Variants in NRXN3 observed in about 807,000 individuals in gnomAD.
The protein encoded by NRXN3 is neurexin III.
A neutral mutation model predicts 137.6 loss-of-function variants in NRXN3; 32 were observed. The ratio of observed to expected loss-of-function variants is 0.23; its 90% CI spans 0.18 to 0.31. The LOEUF (loss-of-function observed/expected upper bound fraction) is 0.31, where lower values mean the gene tolerates loss of function less well. NRXN3 is among the 10% of genes least tolerant of loss of function. The pLI is 1.00. For missense variants in NRXN3, 1,574 were observed against 2,062.5 expected (o/e 0.76, Z 4.59); for synonymous variants, 798 against 784.5 (o/e 1.02, Z -0.29).
intron 4 of NRXN3, among the ~76,000 whole-genome samples, chr14:78,314,993 C>T (rs61976027): frequency 0.072 from 1,126 of 15,704 alleles, 26 homozygotes; most frequent in African/African-American, 0.16. Context: ...CTTCCTTTCT[C>T]TTTCTTTCTT....
chr14:78,621,346 C>G (rs1336827002), intron 4 of NRXN3, among the ~76,000 whole-genome samples: 1 of 152,092 alleles, frequency 6.6e-6, no homozygotes, highest in African/African-American at 2.4e-5. Context: ...TACCTTTATA[C>G]CATGTAGGTT....
chr14:78,687,840 C>G (rs527634465), intron 6 of NRXN3, among the ~76,000 whole-genome samples: 79 of 152,310 alleles, frequency 5.2e-4, no homozygotes, highest in African/African-American at 1.7e-3. Context: ...TGGCTCCATC[C>G]TGCACAAGGG....
intron 4 of NRXN3, among the ~76,000 whole-genome samples, chr14:78,489,649 T>C (rs1035381864): frequency 2.0e-5 from 3 of 152,148 alleles, no homozygotes; most frequent in Non-Finnish European, 4.4e-5. Flanking sequence ...GAATAAAATC[T>C]ATTTTCTTCC....
At chr14:79,604,386 C>A (rs2097971216) in intron 16 of NRXN3, among the ~76,000 whole-genome samples, 1 of 151,738 alleles carries the variant, frequency 6.6e-6, no homozygotes, top group African/African-American at 2.4e-5. Context: ...AGGCGCCTGC[C>A]ACCATGCCCA....
At chr14:79,286,133 A>G (rs1187031321) in intron 15 of NRXN3, among the ~76,000 whole-genome samples, 1 of 152,138 alleles carries the variant, frequency 6.6e-6, no homozygotes, top group Non-Finnish European at 1.5e-5. Context: ...ATTTGCACAT[A>G]GACTAATTCT....
intron 8 of NRXN3, among the ~76,000 whole-genome samples, chr14:78,750,664 T>TAA (rs886191372): frequency 2.0e-5 from 3 of 152,194 alleles, no homozygotes; most frequent in Non-Finnish European, 4.4e-5. Context: ...GCCCCAGCCC[T>TAA]AAATTCACAA....
chr14:79,400,185 A>G (rs2095152712), intron 15 of NRXN3, among the ~76,000 whole-genome samples: 1 of 152,224 alleles, frequency 6.6e-6, no homozygotes, highest in Non-Finnish European at 1.5e-5. Context: ...TCAACCCAGC[A>G]CAACCCTTAA....
At chr14:78,221,846 C>G (rs1163717407) in intron 1 of NRXN3, among the ~76,000 whole-genome samples, 1 of 152,190 alleles carries the variant, frequency 6.6e-6, no homozygotes, top group African/African-American at 2.4e-5. Flanking sequence ...TTGGTCATGT[C>G]ACACCCACTA....
intron 15 of NRXN3, among the ~76,000 whole-genome samples, chr14:79,020,556 C>G (rs914862154): frequency 2.0e-5 from 3 of 151,378 alleles, no homozygotes; most frequent in Admixed American, 1.3e-4. Flanking sequence ...TGAGCCACCA[C>G]GCCTGGCCGA....
At chr14:79,000,028 T>G (rs1328654762) in intron 15 of NRXN3, among the ~76,000 whole-genome samples, 1 of 152,156 alleles carries the variant, frequency 6.6e-6, no homozygotes, top group African/African-American at 2.4e-5. Context: ...TTCCCCTGAT[T>G]TTTTTCACAC....
At chr14:79,233,296 G>A (rs112728635) in intron 15 of NRXN3, among the ~76,000 whole-genome samples, 1 of 152,204 alleles carries the variant, frequency 6.6e-6, no homozygotes, top group Non-Finnish European at 1.5e-5. Flanking sequence ...CAAACATGTG[G>A]TGGGAGTCAA....
intron 17 of NRXN3, among the ~76,000 whole-genome samples, chr14:79,681,058 T>C (rs2098667674): frequency 6.6e-6 from 1 of 152,158 alleles, no homozygotes; most frequent in Non-Finnish European, 1.5e-5. Context: ...TACCCTCTCC[T>C]CTCAGGAACT....
chr14:78,421,188 G>A (rs1260055696), intron 4 of NRXN3, among the ~76,000 whole-genome samples: 2 of 151,706 alleles, frequency 1.3e-5, no homozygotes, highest in Admixed American at 1.3e-4. Flanking sequence ...TCTTGAACCC[G>A]GGAGGCGGAG....
chr14:79,421,506 A>G (rs965113310), intron 15 of NRXN3, among the ~76,000 whole-genome samples: 2 of 152,180 alleles, frequency 1.3e-5, no homozygotes, highest in Admixed American at 6.5e-5. Flanking sequence ...GCAGGACTCA[A>G]ACTGATTCTG....
In NRXN3 at chr14:78,777,757, A is replaced by AT. The variant is rs199961098; in HGVS notation, c.2045-25854dup. On this transcript the variant is annotated intron_variant, in intron 8 of 20. Transcript: ENST00000335750. ...AGAGAAGGGAGATTTAGGCGGAAGG[A>AT]TTTTTTTTTAAAAATTTATTTTTGA... 4.6e-5 allele frequency among the ~76,000 whole-genome samples: 7 copies of AT among 152,098 alleles called. No homozygotes were observed. The East Asian group carries it at 7.7e-4, about 17-fold the overall frequency.
At chr14:78,794,064 T>C (rs2098813693) in intron 8 of NRXN3, among the ~76,000 whole-genome samples, 1 of 152,134 alleles carries the variant, frequency 6.6e-6, no homozygotes, top group Non-Finnish European at 1.5e-5. Context: ...TTTTACTGGG[T>C]AAATTTGCAG....
At chr14:78,313,118 T>G (rs2153545925) in intron 4 of NRXN3, among the ~76,000 whole-genome samples, 1 of 152,316 alleles carries the variant, frequency 6.6e-6, no homozygotes, top group East Asian at 1.9e-4. Flanking sequence ...TAATGACTTT[T>G]GTCAACTTTC....
intron 4 of NRXN3, among the ~76,000 whole-genome samples, chr14:78,376,948 CATT>C (rs2087970764): frequency 6.6e-6 from 1 of 152,074 alleles, no homozygotes; most frequent in African/African-American, 2.4e-5. Context: ...TATGTAAAAA[CATT>C]ATGGACAAAT....
rs181799875 is a variant in NRXN3 at position 78,449,022 on chromosome 14, C to T, written c.757+151162C>T. Reference sequence around the variant, plus strand: ...CCTGGGCGCGGAGAGAGTGAGCACTCGGTGCCTTTTTGGATAAACCAGGTA... The same window carrying T: ...CCTGGGCGCGGAGAGAGTGAGCACTTGGTGCCTTTTTGGATAAACCAGGTA... On this transcript the variant is annotated intron_variant, in intron 4 of 20. Transcript: ENST00000335750. Among the ~76,000 whole-genome samples the T allele has an allele frequency of 2.0e-4, 30 of 152,250 alleles. 1 individual carries two copies. Among genetic ancestry groups the T allele is most frequent in the Non-Finnish European group, 4.1e-4 (28 of 68,028 alleles).
Sources: allele counts gnomAD v4.1 joint callset (sites outside exome capture counted in the v4.1 genomes callset), GRCh38; gene constraint gnomAD v4.1.1; transcripts MANE v1.5; gene names NCBI Gene and HGNC (gene_info 2026-07-23, HGNC 2026-07-21).